Variants in CACNA2D3 observed in about 807,000 individuals in gnomAD.
CACNA2D3 encodes voltage-dependent calcium channel subunit alpha-2/delta-3.
Under a neutral mutation model 160.6 loss-of-function variants are expected in CACNA2D3, and 60 were observed. The ratio of observed to expected loss-of-function variants is 0.37; its 90% CI spans 0.30 to 0.46. The LOEUF is 0.46. CACNA2D3 is among the 20% of genes least tolerant of loss of function. The pLI, the probability that CACNA2D3 is intolerant of heterozygous loss-of-function variation, is 1.00. For synonymous variants in CACNA2D3, 558 were observed against 492.9 expected (o/e 1.13, Z -1.75); for missense variants, 1,205 against 1,365.0 (o/e 0.88, Z 1.85).
chr3:54,249,192 C>T (rs1250959928), intron 2 of CACNA2D3, among the ~76,000 whole-genome samples: 2 of 152,158 alleles, frequency 1.3e-5, no homozygotes, highest in Admixed American at 6.5e-5. Context: ...TTGTTGTTTT[C>T]GTTTGGAGAT....
At chr3:54,762,526 G>A (rs1702098660) in intron 12 of CACNA2D3, among the ~76,000 whole-genome samples, 1 of 152,230 alleles carries the variant, frequency 6.6e-6, no homozygotes, top group South Asian at 2.1e-4. Flanking sequence ...GGGGGCAGGG[G>A]TCTTGCTCAC....
At chr3:54,557,946 A>G (rs998157759) in intron 5 of CACNA2D3, among the ~76,000 whole-genome samples, 8 of 152,182 alleles carry the variant, frequency 5.3e-5, no homozygotes, top group African/African-American at 9.7e-5. Context: ...AAGGCAGGGC[A>G]GAGGTGACAC....
rs1038101711 is a variant in CACNA2D3, at chr3:54,917,358, T to C, written c.2449+17490T>C. ...TTTTAAAACCATGGCCTAAATAACA[T>C]TGAGGATAGCTGCCGCCACCTATCT... On this transcript the variant is annotated intron_variant, in intron 27 of 37. Coordinates refer to ENST00000474759, the MANE Select transcript of CACNA2D3 (RefSeq NM_018398.3). 2.0e-5 allele frequency among the ~76,000 whole-genome samples: 3 copies of C among 152,284 alleles called. 1 individual carries two copies. In the South Asian group the frequency reaches 6.2e-4, roughly 32 times the overall value.
At chr3:54,290,027 G>A (rs1703146412) in intron 2 of CACNA2D3, among the ~76,000 whole-genome samples, 1 of 151,252 alleles carries the variant, frequency 6.6e-6, no homozygotes, top group Admixed American at 6.6e-5. Flanking sequence ...AACACCAAAA[G>A]CAATGGCAAC....
chr3:54,990,730 C>T (rs1004725032), intron 31 of CACNA2D3, among the ~76,000 whole-genome samples: 2 of 152,148 alleles, frequency 1.3e-5, no homozygotes, highest in South Asian at 2.1e-4. Flanking sequence ...CAGACCTCTC[C>T]CCTGACCATT....
At chr3:54,122,970 T>C in intron 1 of CACNA2D3, 135 bp downstream of exon 1, 1 of 827,654 alleles carries the variant, frequency 1.2e-6, no homozygotes, top group Non-Finnish European at 1.6e-6. Context: ...GCACCTGCCT[T>C]TCGGGACCCG....
intron 3 of CACNA2D3, among the ~76,000 whole-genome samples, chr3:54,366,418 T>C (rs965467985): frequency 1.1e-4 from 17 of 152,222 alleles, no homozygotes; most frequent in Non-Finnish European, 2.4e-4. Flanking sequence ...AGGGTTTCTT[T>C]TTGAGAATTA....
intron 18 of CACNA2D3, among the ~76,000 whole-genome samples, chr3:54,873,238 G>A (rs1308424737): frequency 6.6e-6 from 1 of 152,034 alleles, no homozygotes; most frequent in African/African-American, 2.4e-5. Context: ...TCTACAAGTG[G>A]TAGCCATTGT....
chr3:54,736,274 A>G (rs1291350750), intron 11 of CACNA2D3, among the ~76,000 whole-genome samples: 1 of 151,072 alleles, frequency 6.6e-6, no homozygotes, highest in Non-Finnish European at 1.5e-5. Flanking sequence ...ATTATTTGTG[A>G]TGGCTTCATG....
chr3:54,871,664 T>C (rs1699537684), intron 18 of CACNA2D3, 42 bp downstream of exon 18: 4 of 1,456,082 alleles, frequency 2.7e-6, no homozygotes, highest in Non-Finnish European at 3.9e-6. Flanking sequence ...AGGACCTGCA[T>C]TGTACCCACT....
At chr3:54,710,562 T>G (rs1700935063) in intron 11 of CACNA2D3, among the ~76,000 whole-genome samples, 1 of 152,248 alleles carries the variant, frequency 6.6e-6, no homozygotes, top group Admixed American at 6.5e-5. Flanking sequence ...TCATATTCCA[T>G]TGTCCAGAAT....
At chr3:54,866,005 C>T (rs1156271896) in intron 17 of CACNA2D3, among the ~76,000 whole-genome samples, 1 of 151,852 alleles carries the variant, frequency 6.6e-6, no homozygotes, top group Non-Finnish European at 1.5e-5. Context: ...AGTCTGACTC[C>T]AGGACCCTGG....
chr3:54,214,246 G>C (rs999251175), intron 2 of CACNA2D3, among the ~76,000 whole-genome samples: 1 of 152,160 alleles, frequency 6.6e-6, no homozygotes, highest in Admixed American at 6.5e-5. Flanking sequence ...AAAGAGCTTA[G>C]ACCTTGAATG....
chr3:55,014,067 G>A (rs540440155), intron 34 of CACNA2D3, among the ~76,000 whole-genome samples: 1 of 152,306 alleles, frequency 6.6e-6, no homozygotes, highest in African/African-American at 2.4e-5. Flanking sequence ...ATCACTCACT[G>A]CAGTGTGACC....
intron 4 of CACNA2D3, among the ~76,000 whole-genome samples, chr3:54,409,872 A>G (rs921274899): frequency 1.3e-5 from 2 of 152,242 alleles, no homozygotes; most frequent in African/African-American, 4.8e-5. Flanking sequence ...GGCTTAAGGA[A>G]GGAAGCCATC....
intron 13 of CACNA2D3, chr3:54,789,889 G>C (rs952971904): frequency 3.1e-5 from 16 of 516,900 alleles, no homozygotes; most frequent in Admixed American, 9.7e-5. Flanking sequence ...GGTGACACAG[G>C]CTGTTTCAGG....
At chr3:54,909,556 A>T (rs1700514267) in intron 27 of CACNA2D3, among the ~76,000 whole-genome samples, 1 of 152,132 alleles carries the variant, frequency 6.6e-6, no homozygotes, top group Non-Finnish European at 1.5e-5. Flanking sequence ...AGCTTGTCCA[A>T]CCTGCAGCCC....
At chr3:54,847,449 A>G (rs1459816732) in intron 17 of CACNA2D3, among the ~76,000 whole-genome samples, 1 of 152,208 alleles carries the variant, frequency 6.6e-6, no homozygotes, top group Non-Finnish European at 1.5e-5. Context: ...AAGTAGCGGC[A>G]GTGCCTGCTA....
At chr3:54,557,263 C>A (rs896305750) in intron 5 of CACNA2D3, among the ~76,000 whole-genome samples, 2 of 151,992 alleles carry the variant, frequency 1.3e-5, no homozygotes, top group African/African-American at 4.8e-5. Context: ...TTCACCATGC[C>A]CTTGGAAAAA....
Sources: gnomAD v4.1 joint callset for allele counts (sites outside exome capture counted in the v4.1 genomes callset) on GRCh38, gnomAD v4.1.1 for gene constraint, MANE v1.5 for transcripts, NCBI Gene and HGNC (gene_info 2026-07-23, HGNC 2026-07-21) for gene names.